The following FHIT variants were observed in gnomAD, a reference collection of about 807,000 sequenced individuals.
FHIT encodes the protein fragile histidine triad diadenosine triphosphatase.
A neutral mutation model predicts 17.9 loss-of-function variants in FHIT; 19 were observed. That is an observed-to-expected ratio of 1.06 (90% CI 0.74 to 1.56). The LOEUF is 1.56. Ranked by LOEUF, FHIT falls within the 40% of genes most tolerant of loss-of-function variation. The pLI is 0.00. For synonymous variants in FHIT, 81 were observed against 69.7 expected, an observed-to-expected ratio of 1.16 and a Z score of -0.81; for missense variants, 248 against 189.2, an observed-to-expected ratio of 1.31 and a Z score of -1.82.
At chr3:60,084,726 T>C (rs567992653) in intron 5 of FHIT, among the ~76,000 whole-genome samples, 1 of 152,338 alleles carries the variant, frequency 6.6e-6, no homozygotes, top group South Asian at 2.1e-4. Context: ...ATCATCTACA[T>C]AATTTCCTTA....
intron 5 of FHIT, among the ~76,000 whole-genome samples, chr3:60,268,890 G>C (rs1009610478): frequency 3.3e-5 from 5 of 152,254 alleles, no homozygotes; most frequent in African/African-American, 1.2e-4. Flanking sequence ...TTAAAAGATG[G>C]AAGAGACAGG....
At chr3:60,207,515 T>G (rs1703253574) in intron 5 of FHIT, among the ~76,000 whole-genome samples, 1 of 152,250 alleles carries the variant, frequency 6.6e-6, no homozygotes, top group African/African-American at 2.4e-5. Flanking sequence ...AACTTTAAAA[T>G]GTTTTTCTTA....
chr3:60,804,750 A>T (rs558743837), intron 4 of FHIT, among the ~76,000 whole-genome samples: 13 of 152,170 alleles, frequency 8.5e-5, no homozygotes, highest in African/African-American at 3.1e-4. Context: ...TTTGTTTACC[A>T]TTCTTTCTCC....
chr3:60,297,365 G>A (rs115967565), intron 5 of FHIT, among the ~76,000 whole-genome samples: 2 of 151,886 alleles, frequency 1.3e-5, no homozygotes, highest in African/African-American at 4.8e-5. Context: ...TTTTTTGATA[G>A]ATTTTCATGT....
intron 5 of FHIT, among the ~76,000 whole-genome samples, chr3:60,368,466 T>G (rs1167564776): frequency 6.6e-6 from 1 of 152,074 alleles, no homozygotes; most frequent in Non-Finnish European, 1.5e-5. Flanking sequence ...CTTTGGGCAC[T>G]CTGTTGAAAT....
chr3:60,366,513 G>A (rs566257528), intron 5 of FHIT, among the ~76,000 whole-genome samples: 17 of 152,254 alleles, frequency 1.1e-4, no homozygotes, highest in African/African-American at 4.1e-4. Context: ...TTAATTACAG[G>A]AGGTGGGACC....
intron 5 of FHIT, among the ~76,000 whole-genome samples, chr3:60,095,162 G>A (rs540556788): frequency 5.3e-5 from 8 of 152,228 alleles, no homozygotes; most frequent in African/African-American, 1.4e-4. Context: ...GAAGCAGGGC[G>A]TGTTGATAGC....
At chr3:60,637,730 AGGT>A (rs1251808998) in intron 4 of FHIT, among the ~76,000 whole-genome samples, 5 of 152,224 alleles carry the variant, frequency 3.3e-5, no homozygotes, top group African/African-American at 9.6e-5. Context: ...AAATTGAATT[AGGT>A]TATTATTATG....
chr3:60,988,968 A>C (rs1423524180), intron 3 of FHIT, among the ~76,000 whole-genome samples: 1 of 147,626 alleles, frequency 6.8e-6, no homozygotes, highest in African/African-American at 2.5e-5. Flanking sequence ...AAAAAAAAAA[A>C]AAAAAAACAA....
At chr3:61,128,766 A>T (rs1405150006) in intron 2 of FHIT, among the ~76,000 whole-genome samples, 1 of 152,040 alleles carries the variant, frequency 6.6e-6, no homozygotes, top group Non-Finnish European at 1.5e-5. Context: ...TTGTGAAAAA[A>T]CAAGGTTGTT....
chr3:59,906,564 G>C (rs983715763), intron 8 of FHIT, among the ~76,000 whole-genome samples: 4 of 152,190 alleles, frequency 2.6e-5, no homozygotes, highest in African/African-American at 9.6e-5. Flanking sequence ...TGTGGAGTTG[G>C]TTCCTGGAAA....
intron 5 of FHIT, among the ~76,000 whole-genome samples, chr3:60,124,619 G>T (rs76988872): frequency 0.029 from 4,425 of 152,190 alleles, 221 homozygotes; most frequent in African/African-American, 0.099. Flanking sequence ...TAATCAAAGT[G>T]TCATCTAATT....
chr3:60,897,221 T>C (rs1423811225), intron 3 of FHIT, among the ~76,000 whole-genome samples: 11 of 152,206 alleles, frequency 7.2e-5, no homozygotes, highest in Admixed American at 6.5e-5. Context: ...ACGATGATGC[T>C]GCACATATTA....
chr3:59,939,972 T>C (rs1361297302), intron 7 of FHIT, among the ~76,000 whole-genome samples: 1 of 152,120 alleles, frequency 6.6e-6, no homozygotes, highest in Non-Finnish European at 1.5e-5. Flanking sequence ...CTAAGTGACA[T>C]GGAAGGTTCA....
intron 3 of FHIT, among the ~76,000 whole-genome samples, chr3:60,970,683 CT>C (rs1158840221): frequency 1.3e-5 from 2 of 152,092 alleles, no homozygotes; most frequent in Non-Finnish European, 2.9e-5. Context: ...ATAATTGATA[CT>C]TTTATCCTGT....
intron 5 of FHIT, among the ~76,000 whole-genome samples, chr3:60,436,422 T>G (rs1234567226): frequency 6.6e-6 from 1 of 152,086 alleles, no homozygotes; most frequent in Non-Finnish European, 1.5e-5. Flanking sequence ...CAACAATTTT[T>G]CACAAGTATA....
chr3:60,613,145 T>G (rs1458926300), intron 4 of FHIT, among the ~76,000 whole-genome samples: 2 of 152,250 alleles, frequency 1.3e-5, no homozygotes, highest in African/African-American at 4.8e-5. Context: ...TGACTTTTTC[T>G]TCCTCTGCCC....
intron 7 of FHIT, among the ~76,000 whole-genome samples, chr3:59,979,591 G>A (rs1708561996): frequency 6.6e-6 from 1 of 151,958 alleles, no homozygotes. Context: ...ATCTCAGGCA[G>A]GGGTAAGAAA....
intron 5 of FHIT, among the ~76,000 whole-genome samples, chr3:60,429,361 T>C (rs1291738331): frequency 3.9e-5 from 6 of 152,066 alleles, no homozygotes; most frequent in Non-Finnish European, 1.5e-5. Context: ...AAAATTCTAT[T>C]GGAAGACTGT....
Sources: allele counts gnomAD v4.1 joint callset (sites outside exome capture counted in the v4.1 genomes callset), GRCh38; gene constraint gnomAD v4.1.1; transcripts MANE v1.5; gene names NCBI Gene and HGNC (gene_info 2026-07-23, HGNC 2026-07-21).